ARG2: variants seen among roughly 807,000 people sequenced by gnomAD.
ARG2 encodes arginase 2.
Under a neutral mutation model 39.4 loss-of-function variants are expected in ARG2, and 21 were observed. That is an observed-to-expected ratio of 0.53 (90% CI 0.38 to 0.77). The LOEUF (loss-of-function observed/expected upper bound fraction) is 0.77. Ranked by LOEUF, ARG2 falls within the 30% of genes least tolerant of loss-of-function variation. The probability of loss-of-function intolerance (pLI) is 0.00; values close to 1 mark genes in which losing one functional copy is unlikely to be tolerated. For synonymous variants in ARG2, 150 were observed against 156.7 expected, an observed-to-expected ratio of 0.96 and a Z score of 0.32; for missense variants, 378 against 426.2, an observed-to-expected ratio of 0.89 and a Z score of 1.00.
In ARG2 at chr14:67,642,793, C is replaced by CTTTTTTTTTTTTTT. The variant is rs869215946; in HGVS notation, c.362+444_362+457dup. 2.7e-3 allele frequency among the ~76,000 whole-genome samples: 203 copies of CTTTTTTTTTTTTTT among 75,558 alleles called. 56 individuals are homozygous for CTTTTTTTTTTTTTT. Among genetic ancestry groups the CTTTTTTTTTTTTTT allele is most frequent in the South Asian group, 6.9e-3 (11 of 1,596 alleles). 49.6% of individuals were successfully genotyped at this position (75,558 alleles called of 152,430 possible). On this transcript the variant is annotated intron_variant, in intron 3 of 7. Coordinates refer to ENST00000261783, the MANE Select transcript of ARG2 (RefSeq NM_001172.4). ...CCCCTTTGGCATGTTACTACATTTT[C>CTTTTTTTTTTTTTT]TTTTTTTTTTTTTTTTTTTTTTTTT... is the stretch of plus-strand genomic sequence containing the variant.
chr14:67,646,744 T>G lies in ARG2; in HGVS notation c.617+6T>G. 6.2e-7 allele frequency: 1 copy of G among 1,604,320 alleles called. No homozygotes were observed. Among genetic ancestry groups the G allele is most frequent in the Non-Finnish European group, 8.5e-7 (1 of 1,171,406 alleles). Reference sequence around the variant, plus strand: ...GACGTGGACCCTCCTGAACAGTAAGTTGATGCATTTGGCTGAAGTTTAGGG... The same window carrying G: ...GACGTGGACCCTCCTGAACAGTAAGGTGATGCATTTGGCTGAAGTTTAGGG... On this transcript the variant is annotated splice_donor_region_variant and intron_variant, in intron 5 of 7. Transcript: ENST00000261783.
intron 7 of ARG2, chr14:67,648,772 G>GCAAA (rs1217737042): frequency 4.6e-5 from 7 of 152,186 alleles, no homozygotes; most frequent in Non-Finnish European, 1.0e-4. Context: ...ATACTTGTTT[G>GCAAA]CAAACAGTTT....
In ARG2 at chr14:67,651,680, C is replaced by A; in HGVS notation, c.*760C>A. The A allele has an allele frequency of 6.6e-6, 3 of 451,340 alleles. No homozygotes were observed. Among genetic ancestry groups the A allele is most frequent in the Admixed American group, 4.0e-5 (1 of 25,134 alleles). 28.0% of individuals were successfully genotyped at this position (451,340 alleles called of 1,614,324 possible). On this transcript the variant is annotated 3_prime_UTR_variant, in exon 8 of 8. Transcript: ENST00000261783. The stretch of plus-strand genomic sequence containing the variant: ...CTGTCTACCTCACAGAAATGTTAAA[C>A]TGAGACAATAAAAACCAAAGCATAA...
intron 2 of ARG2, among the ~76,000 whole-genome samples, chr14:67,624,828 A>T (rs2036846199): frequency 6.6e-6 from 1 of 152,252 alleles, no homozygotes; most frequent in African/African-American, 2.4e-5. Flanking sequence ...GGGAGCATTT[A>T]TTCAAGAAAA....
chr14:67,645,388 T>C (rs1176183470), intron 3 of ARG2, among the ~76,000 whole-genome samples: 15 of 152,128 alleles, frequency 9.9e-5, no homozygotes. Flanking sequence ...ATTATACGGA[T>C]TTGGGGACAG....
chr14:67,631,141 G>T (rs1305798496), intron 2 of ARG2, among the ~76,000 whole-genome samples: 1 of 151,968 alleles, frequency 6.6e-6, no homozygotes, highest in Non-Finnish European at 1.5e-5. Flanking sequence ...CATCCCCCTT[G>T]ACCTTAGGTA....
intron 2 of ARG2, among the ~76,000 whole-genome samples, chr14:67,640,116 A>T (rs562756437): frequency 1.4e-3 from 206 of 151,970 alleles, no homozygotes; most frequent in Admixed American, 6.4e-3. Context: ...TCTTTTTTTA[A>T]AAAAATAAAA....
chr14:67,642,043 C>T, intron 2 of ARG2, 143 bp from the exon 3 acceptor site: 3 of 825,654 alleles, frequency 3.6e-6, no homozygotes, highest in Non-Finnish European at 5.7e-6. Flanking sequence ...ATAATCTTCC[C>T]ACAATCATTT....
At chr14:67,635,081 C>CA (rs34055319) in intron 2 of ARG2, among the ~76,000 whole-genome samples, 4 of 151,914 alleles carry the variant, frequency 2.6e-5, no homozygotes, top group Non-Finnish European at 5.9e-5. Context: ...CTTGTCTCTA[C>CA]AAAAAAATAT....
intron 2 of ARG2, among the ~76,000 whole-genome samples, chr14:67,631,691 CAA>C (rs1250924098): frequency 1.3e-5 from 2 of 152,132 alleles, no homozygotes; most frequent in African/African-American, 4.8e-5. Context: ...CTTGGCCTTC[CAA>C]AGTGTTGGGA....
chr14:67,633,559 A>T (rs760028010), intron 2 of ARG2, among the ~76,000 whole-genome samples: 8 of 151,794 alleles, frequency 5.3e-5, no homozygotes, highest in Non-Finnish European at 1.0e-4. Context: ...ATTGCTGGAC[A>T]CTCTGTTCCC....
In ARG2 at chr14:67,650,696, TCA is replaced by T. The variant is rs780294795; in HGVS notation, c.860-15_860-14del. Reference sequence around the variant, plus strand: ...AGCAGCAAGGGAACCTGAGGTTTTGTCACACTTTGTTCTTCCAGGGTTGCTAT... The same window carrying T: ...AGCAGCAAGGGAACCTGAGGTTTTGTCACTTTGTTCTTCCAGGGTTGCTAT... On this transcript the variant is annotated splice_polypyrimidine_tract_variant and intron_variant, in intron 7 of 7. Transcript: ENST00000261783. 11 of 1,612,248 alleles carry T rather than the reference TCA, an allele frequency of 6.8e-6. No homozygotes were observed. The highest frequency in any genetic ancestry group is 5.0e-5 in the Admixed American group (3 of 59,994).
At chr14:67,630,402 C>G (rs1260258790) in intron 2 of ARG2, among the ~76,000 whole-genome samples, 1 of 152,048 alleles carries the variant, frequency 6.6e-6, no homozygotes, top group African/African-American at 2.4e-5. Context: ...CTAATGGTGC[C>G]AGATGGTTGT....
chr14:67,637,695 T>G (rs2036987526), intron 2 of ARG2, among the ~76,000 whole-genome samples: 1 of 152,214 alleles, frequency 6.6e-6, no homozygotes. Flanking sequence ...GCTGGCATCA[T>G]GTATTTGTTG....
intron 7 of ARG2, chr14:67,649,080 C>T (rs1334427781): frequency 6.6e-6 from 1 of 152,164 alleles, no homozygotes; most frequent in Non-Finnish European, 1.5e-5. Flanking sequence ...TGCCAGTGGT[C>T]CTTAGGTTAT....
At chr14:67,639,697 G>C (rs962866662) in intron 2 of ARG2, among the ~76,000 whole-genome samples, 4 of 152,106 alleles carry the variant, frequency 2.6e-5, no homozygotes, top group Admixed American at 6.6e-5. Context: ...GAGGCAGGTG[G>C]ATCACTTGCG....
intron 2 of ARG2, among the ~76,000 whole-genome samples, chr14:67,621,908 C>T (rs1282511755): frequency 4.0e-5 from 6 of 151,760 alleles, no homozygotes; most frequent in South Asian, 2.1e-4. Flanking sequence ...ACCAGCCTGA[C>T]CAATATGGCG....
intron 2 of ARG2, among the ~76,000 whole-genome samples, chr14:67,631,772 CTCAGGAT>C (rs1766589015): frequency 6.6e-6 from 1 of 152,158 alleles, no homozygotes; most frequent in Non-Finnish European, 1.5e-5. Context: ...TGTCAGTGTT[CTCAGGAT>C]TCTGTCCTTG....
chr14:67,625,382 T>C (rs1377469811), intron 2 of ARG2, among the ~76,000 whole-genome samples: 1 of 152,040 alleles, frequency 6.6e-6, no homozygotes, highest in African/African-American at 2.4e-5. Context: ...CAAAGAGCAC[T>C]ATTAAGAAAG....
Sources: allele counts gnomAD v4.1 joint callset (sites outside exome capture counted in the v4.1 genomes callset), GRCh38; gene constraint gnomAD v4.1.1; transcripts MANE v1.5; gene names NCBI Gene and HGNC (gene_info 2026-07-23, HGNC 2026-07-21).